DCC: variants seen among roughly 807,000 people sequenced by gnomAD.
DCC encodes the protein netrin receptor DCC.
In DCC, 58 loss-of-function variants were observed where a neutral mutation model predicts 172.5. The ratio of observed to expected loss-of-function variants is 0.34; its 90% CI spans 0.27 to 0.42. The LOEUF (loss-of-function observed/expected upper bound fraction) is 0.42, where lower values mean the gene tolerates loss of function less well. Ranked by LOEUF, DCC falls within the 10% of genes least tolerant of loss-of-function variation. The pLI is 1.00. For missense variants in DCC, 1,740 were observed against 1,791.0 expected, an observed-to-expected ratio of 0.97 and a Z score of 0.51; for synonymous variants, 709 against 644.5, an observed-to-expected ratio of 1.10 and a Z score of -1.52.
chr18:53,267,110 TCACACACACA>T (rs140978906), intron 12 of DCC, among the ~76,000 whole-genome samples: 1 of 137,392 alleles, frequency 7.3e-6, no homozygotes, highest in African/African-American at 3.0e-5. Flanking sequence ...ACTCTCTCTC[TCACACACACA>T]CACACACACA....
intron 12 of DCC, among the ~76,000 whole-genome samples, chr18:53,219,960 T>C (rs1484010692): frequency 6.6e-6 from 1 of 151,532 alleles, no homozygotes; most frequent in Non-Finnish European, 1.5e-5. Context: ...CAGAAGGACA[T>C]GCTTTTGAGG....
chr18:52,497,773 T>TCAC (rs2030859882), intron 1 of DCC, among the ~76,000 whole-genome samples: 1 of 152,106 alleles, frequency 6.6e-6, no homozygotes, highest in African/African-American at 2.4e-5. Context: ...AGCAGCAGCA[T>TCAC]CACCACGGGG....
At chr18:52,790,034 TG>T (rs2037730464) in intron 2 of DCC, among the ~76,000 whole-genome samples, 2 of 152,034 alleles carry the variant, frequency 1.3e-5, no homozygotes, top group Admixed American at 1.3e-4. Context: ...ATAGATCAGC[TG>T]GTACCACCTA....
intron 5 of DCC, among the ~76,000 whole-genome samples, chr18:53,023,278 G>C (rs1467114431): frequency 6.7e-6 from 1 of 149,746 alleles, no homozygotes; most frequent in Non-Finnish European, 1.5e-5. Flanking sequence ...TTGACCTTTA[G>C]TAGTCGACTG....
chr18:53,275,053 T>C (rs2056790130), intron 12 of DCC, among the ~76,000 whole-genome samples: 1 of 152,084 alleles, frequency 6.6e-6, no homozygotes, highest in South Asian at 2.1e-4. Context: ...TCAATGCAAA[T>C]AAAGATAATT....
intron 7 of DCC, among the ~76,000 whole-genome samples, chr18:53,113,072 C>A (rs1270295431): frequency 6.6e-6 from 1 of 151,164 alleles, no homozygotes; most frequent in African/African-American, 2.4e-5. Flanking sequence ...TTCTAGGGCT[C>A]CAGTGATTCA....
intron 1 of DCC, among the ~76,000 whole-genome samples, chr18:52,417,985 A>C (rs1987104325): frequency 6.6e-6 from 1 of 152,316 alleles, no homozygotes; most frequent in Non-Finnish European, 1.5e-5. Flanking sequence ...TCTGTCATTA[A>C]TTCTTCGCTT....
chr18:52,962,835 T>C (rs1382524561), intron 5 of DCC, among the ~76,000 whole-genome samples: 1 of 151,810 alleles, frequency 6.6e-6, no homozygotes, highest in African/African-American at 2.4e-5. Context: ...AACCATCATT[T>C]TCAGCAAACT....
chr18:53,264,149 G>A (rs2056638915), intron 12 of DCC, among the ~76,000 whole-genome samples: 1 of 151,964 alleles, frequency 6.6e-6, no homozygotes, highest in Admixed American at 6.6e-5. Flanking sequence ...ATAAAGTCCT[G>A]TCAACATGAA....
At chr18:52,497,280 A>AAAAAATAT (rs1555689730) in intron 1 of DCC, among the ~76,000 whole-genome samples, 3 of 21,570 alleles carry the variant, frequency 1.4e-4, no homozygotes, top group Non-Finnish European at 2.1e-4. Flanking sequence ...AAAAAAAAAA[A>AAAAAATAT]ATATATATAT....
intron 5 of DCC, among the ~76,000 whole-genome samples, chr18:52,939,000 A>T (rs1169761002): frequency 6.6e-6 from 1 of 152,056 alleles, no homozygotes; most frequent in Admixed American, 6.6e-5. Flanking sequence ...TAATCATGGG[A>T]TGCACCTTCG....
intron 7 of DCC, among the ~76,000 whole-genome samples, chr18:53,095,623 C>G (rs2043074942): frequency 6.6e-6 from 1 of 152,152 alleles, no homozygotes; most frequent in Non-Finnish European, 1.5e-5. Context: ...TCCTCCTATC[C>G]TGATTCAGAC....
chr18:53,519,369 T>C (rs1325272591), intron 27 of DCC, among the ~76,000 whole-genome samples: 3 of 151,986 alleles, frequency 2.0e-5, no homozygotes, highest in African/African-American at 7.2e-5. Flanking sequence ...AAAATAATAA[T>C]ATAGATCAGC....
intron 7 of DCC, among the ~76,000 whole-genome samples, chr18:53,069,726 C>G (rs1373832562): frequency 6.6e-6 from 1 of 152,208 alleles, no homozygotes; most frequent in East Asian, 1.9e-4. Flanking sequence ...ATCCATCCTC[C>G]CCTCTCTGAC....
chr18:52,610,182 T>A (rs1411694510), intron 1 of DCC, among the ~76,000 whole-genome samples: 372 of 8,872 alleles, frequency 0.042, 89 homozygotes, highest in Non-Finnish European at 0.047. Flanking sequence ...AAAAAAAATA[T>A]ATATATATAT....
intron 25 of DCC, among the ~76,000 whole-genome samples, chr18:53,482,074 TTGTGTG>T (rs1379216604): frequency 6.6e-6 from 1 of 151,674 alleles, no homozygotes; most frequent in Non-Finnish European, 1.5e-5. Context: ...ATGTGTGTGT[TTGTGTG>T]TGTGTGTATT....
At chr18:52,492,752 GCTA>G (rs1380236242) in intron 1 of DCC, among the ~76,000 whole-genome samples, 1 of 152,060 alleles carries the variant, frequency 6.6e-6, no homozygotes, top group African/African-American at 2.4e-5. Flanking sequence ...GAAATGTTCA[GCTA>G]CTCAGGTGAG....
intron 1 of DCC, among the ~76,000 whole-genome samples, chr18:52,658,937 A>G (rs769702050): frequency 6.6e-6 from 1 of 152,208 alleles, no homozygotes; most frequent in South Asian, 2.1e-4. Flanking sequence ...GTCATTCAAT[A>G]TAATTCATTA....
chr18:53,226,934 G>GTATATATATATATATATA (rs1555734406), intron 12 of DCC, among the ~76,000 whole-genome samples: 62 of 68,062 alleles, frequency 9.1e-4, no homozygotes, highest in Non-Finnish European at 1.4e-3. Context: ...GTGTGTGTGT[G>GTATATATATATATATATA]TATATATATA....
Sources: gnomAD v4.1 joint callset for allele counts (sites outside exome capture counted in the v4.1 genomes callset) on GRCh38, gnomAD v4.1.1 for gene constraint, MANE v1.5 for transcripts, NCBI Gene and HGNC (gene_info 2026-07-23, HGNC 2026-07-21) for gene names.